Variants in ST3GAL6 observed in about 807,000 individuals in gnomAD.
ST3GAL6 encodes type 2 lactosamine alpha-2,3-sialyltransferase.
Under a neutral mutation model 40.5 loss-of-function variants are expected in ST3GAL6, and 31 were observed. The ratio of observed to expected loss-of-function variants is 0.77; its 90% CI spans 0.58 to 1.03. The LOEUF (loss-of-function observed/expected upper bound fraction) is 1.03. ST3GAL6 is among the 50% of genes least tolerant of loss of function. The probability of loss-of-function intolerance (pLI) is 0.00; values close to 1 mark genes in which losing one functional copy is unlikely to be tolerated. For missense variants in ST3GAL6, 357 were observed against 393.2 expected (o/e 0.91, Z 0.78); for synonymous variants, 129 against 136.9 (o/e 0.94, Z 0.40).
upstream of ST3GAL6, among the ~76,000 whole-genome samples, chr3:98,758,941 T>G (rs994674306): frequency 6.6e-6 from 1 of 152,182 alleles, no homozygotes; most frequent in African/African-American, 2.4e-5. Flanking sequence ...AGCTGAAGTG[T>G]AAAAAGATTA....
intron 8 of ST3GAL6, 47 bp from the exon 9 acceptor site, chr3:98,791,794 A>G (rs758156724): frequency 6.4e-7 from 1 of 1,557,242 alleles, no homozygotes; most frequent in Non-Finnish European, 8.7e-7. Context: ...CTTTGGTAAC[A>G]AGTAGCTCCT....
intron 5 of ST3GAL6, among the ~76,000 whole-genome samples, chr3:98,778,578 G>A (rs1218546407): frequency 6.6e-6 from 1 of 152,208 alleles, no homozygotes; most frequent in Non-Finnish European, 1.5e-5. Flanking sequence ...TCTAGCATCG[G>A]CTGTGGTCAG....
chr3:98,787,054 T>A (rs974725683), intron 6 of ST3GAL6, among the ~76,000 whole-genome samples: 16 of 151,942 alleles, frequency 1.1e-4, no homozygotes, highest in African/African-American at 3.9e-4. Context: ...TAGGATGGTT[T>A]GGCAGCTTTG....
intron 5 of ST3GAL6, among the ~76,000 whole-genome samples, chr3:98,779,099 T>C (rs1939825448): frequency 6.6e-6 from 1 of 152,206 alleles, no homozygotes; most frequent in Admixed American, 6.5e-5. Flanking sequence ...CTCAGTGATG[T>C]CAAGGCTCCA....
chr3:98,732,858 G>T (rs1323404884), intron 1 of ST3GAL6: 3 of 1,510,614 alleles, frequency 2.0e-6, no homozygotes, highest in Non-Finnish European at 1.8e-6. Flanking sequence ...GGGCTTCTGC[G>T]GCCCGATGTG....
intron 3 of ST3GAL6, 121 bp from the exon 4 acceptor site, chr3:98,772,692 A>C (rs1939124517): frequency 3.7e-6 from 2 of 545,508 alleles, no homozygotes; most frequent in African/African-American, 3.8e-5. Flanking sequence ...AAAATTATAC[A>C]TTTTTGTATA....
chr3:98,781,356 A>G (rs1328916147), intron 5 of ST3GAL6, among the ~76,000 whole-genome samples: 1 of 152,142 alleles, frequency 6.6e-6, no homozygotes, highest in African/African-American at 2.4e-5. Flanking sequence ...GAGGGATAGC[A>G]TTAGGAGAAA....
intron 8 of ST3GAL6, 111 bp from the exon 9 acceptor site, chr3:98,791,730 C>T: frequency 1.0e-6 from 1 of 974,544 alleles, no homozygotes; most frequent in East Asian, 2.4e-5. Context: ...TTATTTCTCT[C>T]CTTATTAAAT....
At chr3:98,783,400 T>C (rs1940373731) in intron 5 of ST3GAL6, 1 of 248,822 alleles carries the variant, frequency 4.0e-6, no homozygotes, top group Admixed American at 6.5e-5. Flanking sequence ...CCGCCCACTT[T>C]TACAATGAAT....
At chr3:98,786,519 G>A (rs192578382) in intron 6 of ST3GAL6, among the ~76,000 whole-genome samples, 1 of 152,278 alleles carries the variant, frequency 6.6e-6, no homozygotes, top group Admixed American at 6.5e-5. Flanking sequence ...GCTTAGAGGC[G>A]TGATGTGGCA....
Position 98,770,960 on chromosome 3 carries a change from A to G in ST3GAL6, c.167+4A>G. 1 of 1,613,598 alleles carries G rather than the reference A, an allele frequency of 6.2e-7. No homozygotes were observed. The highest frequency in any genetic ancestry group is 8.5e-7 in the Non-Finnish European group (1 of 1,179,626). ...CAGCTTTTGCCTCTCTGCTGAGGTA[A>G]AAATATACCAGAAAAACCTGTGGCA... On this transcript the variant is annotated splice_donor_region_variant and intron_variant, in intron 3 of 9. Transcript: ENST00000483910.
chr3:98,736,932 T>G (rs1379353211), intron 1 of ST3GAL6, among the ~76,000 whole-genome samples: 1 of 152,200 alleles, frequency 6.6e-6, no homozygotes, highest in Admixed American at 6.5e-5. Context: ...GTCAGTAAGA[T>G]AGGAAGGCAG....
At chr3:98,767,015 G>A (rs899991543) in intron 1 of ST3GAL6, among the ~76,000 whole-genome samples, 2 of 152,192 alleles carry the variant, frequency 1.3e-5, no homozygotes, top group Non-Finnish European at 2.9e-5. Context: ...AAGTATGTGT[G>A]AACTAAAGTT....
upstream of ST3GAL6, among the ~76,000 whole-genome samples, chr3:98,762,225 G>A (rs943930336): frequency 3.9e-5 from 6 of 152,130 alleles, no homozygotes; most frequent in Admixed American, 1.3e-4. Context: ...TTAATTATAC[G>A]TGTTCCCTTT....
At chr3:98,760,179 G>C (rs548453109), upstream of ST3GAL6, among the ~76,000 whole-genome samples, 6 of 152,278 alleles carry the variant, frequency 3.9e-5, no homozygotes, top group African/African-American at 1.4e-4. Context: ...CTCAAAAACT[G>C]TTTTCTGTGA....
chr3:98,771,919 AG>A (rs1294023246), intron 3 of ST3GAL6, among the ~76,000 whole-genome samples: 1 of 150,666 alleles, frequency 6.6e-6, no homozygotes, highest in African/African-American at 2.4e-5. Flanking sequence ...AGAAAAAAAA[AG>A]AATTTTTACC....
chr3:98,744,939 G>A (rs1307750769), intron 1 of ST3GAL6, among the ~76,000 whole-genome samples: 1 of 151,886 alleles, frequency 6.6e-6, no homozygotes, highest in Non-Finnish European at 1.5e-5. Context: ...GTTAGTAATA[G>A]GGAACCATGC....
chr3:98,787,952 C>T, intron 6 of ST3GAL6, 84 bp from the exon 7 acceptor site: 6 of 1,275,922 alleles, frequency 4.7e-6, no homozygotes, highest in Non-Finnish European at 6.5e-6. Context: ...GATGTTTGTC[C>T]AACTCTGAAA....
chr3:98,771,104 T>A (rs1363654719), intron 3 of ST3GAL6, 148 bp downstream of exon 3: 1 of 1,518,360 alleles, frequency 6.6e-7, no homozygotes, highest in African/African-American at 1.4e-5. Context: ...ATATCCTGTC[T>A]CTTTTTGTGC....
Sources: gnomAD v4.1 joint callset for allele counts (sites outside exome capture counted in the v4.1 genomes callset) on GRCh38, gnomAD v4.1.1 for gene constraint, MANE v1.5 for transcripts, NCBI Gene and HGNC (gene_info 2026-07-23, HGNC 2026-07-21) for gene names.